CSMD2: variants seen among roughly 807,000 people sequenced by gnomAD.
The protein encoded by CSMD2 is CUB and Sushi multiple domains 2, also known as CUB and sushi domain-containing protein 2.
Under a neutral mutation model 398.5 loss-of-function variants are expected in CSMD2, and 130 were observed. The ratio of observed to expected loss-of-function variants is 0.33; its 90% CI spans 0.28 to 0.38. CSMD2 has a LOEUF of 0.38. CSMD2 is among the 10% of genes least tolerant of loss of function. CSMD2 has a pLI of 1.00. For synonymous variants in CSMD2, 1,828 were observed against 1,908.5 expected, an observed-to-expected ratio of 0.96 and a Z score of 1.10; for missense variants, 3,829 against 4,764.9, an observed-to-expected ratio of 0.80 and a Z score of 5.78.
chr1:34,036,398 G>A (rs985401377), intron 2 of CSMD2, among the ~76,000 whole-genome samples: 5 of 151,968 alleles, frequency 3.3e-5, no homozygotes, highest in African/African-American at 1.2e-4. Flanking sequence ...AGCCAAGTAG[G>A]GAAAAAAAGC....
chr1:33,707,749 C>T (rs1041156281), intron 22 of CSMD2, among the ~76,000 whole-genome samples: 15 of 150,026 alleles, frequency 1.0e-4, no homozygotes, highest in South Asian at 2.1e-4. Context: ...ACACACCATA[C>T]ACCCCAGAGG....
intron 3 of CSMD2, among the ~76,000 whole-genome samples, chr1:34,026,567 C>T (rs769436166): frequency 5.9e-5 from 9 of 152,212 alleles, no homozygotes; most frequent in South Asian, 2.1e-4. Context: ...TCAGAGTGCA[C>T]GAGATCCATG....
intron 12 of CSMD2, among the ~76,000 whole-genome samples, chr1:33,779,029 G>A (rs1652360041): frequency 6.6e-6 from 1 of 152,106 alleles, no homozygotes; most frequent in Non-Finnish European, 1.5e-5. Context: ...GCAGCCTATG[G>A]TTCCCCTGGC....
chr1:33,885,092 G>C (rs971942802), intron 5 of CSMD2: 1 of 151,878 alleles, frequency 6.6e-6, no homozygotes, highest in African/African-American at 2.4e-5. Flanking sequence ...ACAGTATCCT[G>C]TTGGGACAGA....
intron 1 of CSMD2, among the ~76,000 whole-genome samples, chr1:34,118,791 T>C (rs1312488737): frequency 6.6e-6 from 1 of 152,180 alleles, no homozygotes; most frequent in Non-Finnish European, 1.5e-5. Context: ...CACAAATAAA[T>C]GGAAAGACAT....
chr1:33,948,124 C>G (rs1010563978), intron 3 of CSMD2, among the ~76,000 whole-genome samples: 2 of 152,172 alleles, frequency 1.3e-5, no homozygotes, highest in African/African-American at 4.8e-5. Flanking sequence ...ACTTGGTGAA[C>G]ATTTTGCAGT....
At chr1:34,068,474 T>C (rs1057497628) in intron 2 of CSMD2, among the ~76,000 whole-genome samples, 2 of 152,270 alleles carry the variant, frequency 1.3e-5, no homozygotes, top group Non-Finnish European at 2.9e-5. Context: ...CCCATGTTAT[T>C]ATTAGCATGT....
chr1:33,605,233 C>T (rs769811610), intron 42 of CSMD2, 49 bp downstream of exon 42: 11 of 1,560,758 alleles, frequency 7.0e-6, no homozygotes, highest in Non-Finnish European at 8.8e-6. Context: ...CTGGACCAGT[C>T]TCCACGAGTA....
At chr1:34,103,041 T>C (rs72667743) in intron 1 of CSMD2, among the ~76,000 whole-genome samples, 2,329 of 152,256 alleles carry the variant, frequency 0.015, 19 homozygotes, top group Middle Eastern at 0.048. Context: ...TAGTTGTTGG[T>C]TGAATGAATG....
At chr1:33,946,701 C>G (rs1219541484) in intron 3 of CSMD2, among the ~76,000 whole-genome samples, 3 of 151,698 alleles carry the variant, frequency 2.0e-5, no homozygotes, top group Admixed American at 6.6e-5. Flanking sequence ...TCACTGCAAC[C>G]TTCACCTCCC....
chr1:33,800,732 A>T (rs1343020210), intron 10 of CSMD2, among the ~76,000 whole-genome samples: 1 of 152,188 alleles, frequency 6.6e-6, no homozygotes, highest in African/African-American at 2.4e-5. Context: ...GCAACAGAGA[A>T]GGTGTGTGGG....
chr1:33,843,580 C>T (rs983520533), intron 6 of CSMD2, among the ~76,000 whole-genome samples: 3 of 152,172 alleles, frequency 2.0e-5, no homozygotes, highest in African/African-American at 7.2e-5. Context: ...ATTCTTTAAA[C>T]CTCTCTGCCC....
In CSMD2 at chr1:33,633,456, C is replaced by T. The variant is rs757344831; in HGVS notation, c.5166G>A (p.Ser1722=). The T allele has an allele frequency of 2.6e-6, 4 of 1,554,076 alleles. No homozygotes were observed. The highest frequency in any genetic ancestry group is 1.4e-5 in the African/African-American group (1 of 73,234). ...VEVHDGHSQH[S]RLLSSLSGSH... ...AGCCCGAGAGGGAGCTGAGGAGCCG[C>T]GAGTGCTGGCTGTGGCCGTCGTGAA... The change falls in exon 32 of 71, where the codon TCG becomes TCA. Residue 1722 remains serine (S), a synonymous_variant. Coordinates refer to ENST00000373381, the MANE Select transcript of CSMD2 (RefSeq NM_001281956.2). This position sits in a 1 kb window ranked among gnomAD's most constrained non-coding sequence, Gnocchi z 5.0.
chr1:33,675,076 A>C (rs577161323), intron 25 of CSMD2, among the ~76,000 whole-genome samples: 18 of 152,222 alleles, frequency 1.2e-4, no homozygotes, highest in Non-Finnish European at 1.5e-4. Flanking sequence ...AACACATTCA[A>C]AAGCTAGCAG....
chr1:33,703,758 C>T (rs1180573028), intron 22 of CSMD2, among the ~76,000 whole-genome samples: 4 of 152,188 alleles, frequency 2.6e-5, no homozygotes, highest in Admixed American at 6.5e-5. Flanking sequence ...TACCAGATTG[C>T]TCTTTGAAAA....
Position 33,614,523 on chromosome 1 carries a change from T to C in CSMD2, c.6114A>G (p.Ile2038Met), listed in dbSNP as rs1380874874. 1 of 1,607,308 alleles carries C rather than the reference T, an allele frequency of 6.2e-7. No homozygotes were observed. The highest frequency in any genetic ancestry group is 8.5e-7 in the Non-Finnish European group (1 of 1,173,804). Residue 2038 changes from isoleucine (I) to methionine (M), a missense_variant, in exon 40 of 71, where the codon ATA (isoleucine) becomes ATG (methionine). Ile to Met is a conservative substitution (Grantham distance 10). Coordinates refer to ENST00000373381, the MANE Select transcript of CSMD2 (RefSeq NM_001281956.2). Reference sequence around the variant, plus strand: ...ACTTACCAAAGCCCACGGGCAGTGCTATTTTCCAGGAGCAGTCCATGTTAC... The same window carrying C: ...ACTTACCAAAGCCCACGGGCAGTGCCATTTTCCAGGAGCAGTCCATGTTAC... ...YPSNMDCSWK[I>M]ALPVGFGAHI...
In CSMD2 at chr1:34,147,068, TA is replaced by T. The variant is rs1428680714; in HGVS notation, c.187+17842del. Among the ~76,000 whole-genome samples, 5 of 151,978 alleles carry T rather than the reference TA, an allele frequency of 3.3e-5. No homozygotes were observed. The East Asian group carries it at 9.7e-4, about 29-fold the overall frequency. ...ATCAAGAGATCAAGACCATCCTGGC[TA>T]ACATGGTGAAACCCCATCTCTACTA... On this transcript the variant is annotated intron_variant, in intron 1 of 70. Transcript: ENST00000373381.
rs754683314 is a variant in CSMD2 at position 33,698,884 on chromosome 1, T to C, written c.3794A>G (p.Asp1265Gly). 50 of 1,614,144 alleles carry C rather than the reference T, an allele frequency of 3.1e-5. No homozygotes were observed. Among genetic ancestry groups the C allele is most frequent in the Non-Finnish European group, 4.0e-5 (47 of 1,180,008 alleles). ...GTPKFGYKVHDEGHFAGSSVS... is the reference protein window; with the variant it reads ...GTPKFGYKVHGEGHFAGSSVS... ...GGAGCTCCCTGCAAAATGACCTTCA[T>C]CATGAACCTTGTAGCCAAACTTGGG... The change falls in exon 24 of 71, where the codon GAT (aspartate) becomes GGT (glycine). Residue 1265 changes from aspartate (D) to glycine (G), a missense_variant. Around this residue, in one of 5 missense-constraint regions of CSMD2, gnomAD observed 2,001 missense variants for 2,567.1 expected, o/e 0.78. Transcript: ENST00000373381.
chr1:34,070,066 T>A (rs184345104), intron 2 of CSMD2, among the ~76,000 whole-genome samples: 29 of 152,308 alleles, frequency 1.9e-4, no homozygotes, highest in African/African-American at 6.5e-4. Flanking sequence ...ATTAAATCTA[T>A]CCGGCACTAT....
Sources: gnomAD v4.1 joint callset for allele counts (sites outside exome capture counted in the v4.1 genomes callset) on GRCh38, gnomAD v4.1.1 for gene constraint, gnomAD v4.1.1 regional missense constraint, Gnocchi (gnomAD v3.1) non-coding constraint, MANE v1.5 for transcripts, NCBI Gene and HGNC (gene_info 2026-07-23, HGNC 2026-07-21) for gene names.